The following TUBGCP4 variants were observed in gnomAD, a reference collection of about 807,000 sequenced individuals.
TUBGCP4 encodes the protein gamma-tubulin complex component 4.
TUBGCP4 carries 54 observed loss-of-function variants against 91.6 expected under a neutral mutation model. The observed-to-expected ratio is 0.59, with a 90% CI of 0.47 to 0.74. TUBGCP4 has a LOEUF of 0.74. Among genes scored for constraint, TUBGCP4 ranks in the 30% least tolerant of loss-of-function variants. The pLI is 0.00. For missense variants in TUBGCP4, 593 were observed against 800.9 expected, an observed-to-expected ratio of 0.74 and a Z score of 3.13; for synonymous variants, 297 against 302.8, an observed-to-expected ratio of 0.98 and a Z score of 0.20.
Position 43,407,992 on chromosome 15 carries a change from A to G in TUBGCP4, c.*2778A>G. ...GCTGCTTCACAGAGGCTGCACCACC[A>G]GTCATGAGGATCTCAGACCAGAGCT... On this transcript the variant is annotated 3_prime_UTR_variant, in exon 18 of 18. Coordinates refer to ENST00000564079, the MANE Select transcript of TUBGCP4 (RefSeq NM_014444.5). The G allele has an allele frequency of 6.2e-7, 1 of 1,614,082 alleles. No homozygotes were observed.
chr15:43,407,985 C>T lies in TUBGCP4; in HGVS notation c.*2771C>T. ...GAATGGTGCTGCTTCACAGAGGCTGCACCACCAGTCATGAGGATCTCAGAC... is the reference window on the plus strand; with the variant it reads ...GAATGGTGCTGCTTCACAGAGGCTGTACCACCAGTCATGAGGATCTCAGAC... On this transcript the variant is annotated 3_prime_UTR_variant, in exon 18 of 18. Transcript: ENST00000564079. The T allele has an allele frequency of 6.2e-7, 1 of 1,613,950 alleles. No individual in the cohort carries two copies. The highest frequency in any genetic ancestry group is 8.5e-7 in the Non-Finnish European group (1 of 1,180,012).
chr15:43,392,741 T>C (rs2584701), intron 9 of TUBGCP4, among the ~76,000 whole-genome samples: 70,011 of 151,910 alleles, frequency 0.46, 19,845 homozygotes, highest in African/African-American at 0.8. Context: ...TCAAGTGATC[T>C]GCCCGCTTCG....
At chr15:43,403,626 T>G (rs888980230) in intron 15 of TUBGCP4, 57 bp from the exon 16 acceptor site, 3 of 1,290,790 alleles carry the variant, frequency 2.3e-6, no homozygotes, top group Non-Finnish European at 3.3e-6. Flanking sequence ...CCTAACACTT[T>G]AACTTCATGG....
rs191920704 is a variant in TUBGCP4 at position 43,383,214 on chromosome 15, G to A, written c.522-89G>A. On this transcript the variant is annotated intron_variant, in intron 6 of 17. Transcript: ENST00000564079. ...ATTTTTAACTTAATTGGTTATTTCT[G>A]TTATGACTCATCAAATTCTCAGGCC... 4.5e-6 allele frequency: 5 copies of A among 1,113,810 alleles called. No individual in the cohort carries two copies. The East Asian group carries it at 1.2e-4, about 27-fold the overall frequency. The allele number at this position is 1,113,810 out of a possible 1,614,324, so 69.0% of individuals were successfully genotyped here.
intron 9 of TUBGCP4, among the ~76,000 whole-genome samples, chr15:43,390,946 G>C (rs776863185): frequency 2.6e-4 from 39 of 151,906 alleles, no homozygotes; most frequent in African/African-American, 9.4e-4. Context: ...CTCCCAAGTA[G>C]CTGGGACTAG....
chr15:43,385,631 A>C, intron 7 of TUBGCP4, 160 bp from the exon 8 acceptor site: 1 of 679,732 alleles, frequency 1.5e-6, no homozygotes, highest in Non-Finnish European at 2.5e-6. Flanking sequence ...AAGATGAAAT[A>C]CATCTCTCCA....
Position 43,409,726 on chromosome 15 carries a change from G to T in TUBGCP4, c.*4512G>T. 1 of 1,536,686 alleles carries T rather than the reference G, an allele frequency of 6.5e-7. No individual in the cohort carries two copies. The highest frequency in any genetic ancestry group is 8.8e-7 in the Non-Finnish European group (1 of 1,140,200). On this transcript the variant is annotated 3_prime_UTR_variant, in exon 18 of 18. Transcript: ENST00000564079. ...TTCTGTATACTGCTTGTTGAAAGGA[G>T]GAATTTCCAAAAATTCTATATTAAA... is the stretch of plus-strand genomic sequence containing the variant.
chr15:43,395,178 AT>A, intron 10 of TUBGCP4, 21 bp downstream of exon 10: 1 of 1,613,686 alleles, frequency 6.2e-7, no homozygotes, highest in Non-Finnish European at 8.5e-7. Flanking sequence ...AGCTGTTGTA[AT>A]TCTTACGGTG....
intron 7 of TUBGCP4, 129 bp from the exon 8 acceptor site, chr15:43,385,660 CTG>C (rs1177315450): frequency 7.8e-6 from 7 of 898,656 alleles, no homozygotes; most frequent in African/African-American, 5.0e-5. Context: ...GGTTTGAGAA[CTG>C]TGCAACACCA....
Position 43,393,817 on chromosome 15 carries a change from G to C in TUBGCP4, c.1015-1290G>C, listed in dbSNP as rs575406057. ...CTGCATAGTATTCCATGGTGTATAT[G>C]TGCCACATTTACGATTAACAAAATG... On this transcript the variant is annotated intron_variant, in intron 9 of 17. Transcript: ENST00000564079. 2.4e-4 allele frequency among the ~76,000 whole-genome samples: 37 copies of C among 152,232 alleles called. No homozygotes were observed. The East Asian group carries it at 3.5e-3, about 14-fold the overall frequency.
At chr15:43,393,965 C>T (rs971852445) in intron 9 of TUBGCP4, 3 of 151,986 alleles carry the variant, frequency 2.0e-5, no homozygotes, top group Non-Finnish European at 2.9e-5. Context: ...TTTTCATGTG[C>T]CTCTTTGCCT....
chr15:43,405,885 C>G lies in TUBGCP4; in HGVS notation c.*671C>G, dbSNP rs2142911547. ...TGAAACCTCGATTCTACTAAAAATACAAAAATTAGCCAGGTGTGGTGGCAT... is the reference window on the plus strand; with the variant it reads ...TGAAACCTCGATTCTACTAAAAATAGAAAAATTAGCCAGGTGTGGTGGCAT... On this transcript the variant is annotated 3_prime_UTR_variant, in exon 18 of 18. Transcript: ENST00000564079. 1 of 151,798 alleles carries G rather than the reference C, an allele frequency of 6.6e-6. No homozygotes were observed. Among genetic ancestry groups the G allele is most frequent in the South Asian group, 2.1e-4 (1 of 4,798 alleles). 9.4% of individuals were successfully genotyped at this position (151,798 alleles called of 1,614,324 possible).
rs2044981261 is a variant in TUBGCP4 at position 43,408,150 on chromosome 15, G to A, written c.*2936G>A. 1 of 1,523,990 alleles carries A rather than the reference G, an allele frequency of 6.6e-7. No homozygotes were observed. The highest frequency in any genetic ancestry group is 1.2e-5 in the South Asian group (1 of 84,392). 94.4% of individuals were successfully genotyped at this position (1,523,990 alleles called of 1,614,324 possible). On this transcript the variant is annotated 3_prime_UTR_variant, in exon 18 of 18. Transcript: ENST00000564079. ...GTAATATCCAACAAACTGCCTTTCT[G>A]CAAAGGGACTCATGTACATCTGAAT...
intron 13 of TUBGCP4, among the ~76,000 whole-genome samples, chr15:43,399,479 G>C (rs747933130): frequency 6.6e-6 from 1 of 152,002 alleles, no homozygotes; most frequent in Non-Finnish European, 1.5e-5. Context: ...CAAGCAGCTG[G>C]GACTATAGGT....
At chr15:43,377,817 A>C (rs763284351) in intron 4 of TUBGCP4, 30 bp from the exon 5 acceptor site, 2 of 1,547,314 alleles carry the variant, frequency 1.3e-6, no homozygotes, top group South Asian at 2.3e-5. Context: ...ATTTGATTAC[A>C]TACCCTTCTA....
chr15:43,389,722 C>T (rs551906437), intron 9 of TUBGCP4, among the ~76,000 whole-genome samples: 2 of 152,172 alleles, frequency 1.3e-5, no homozygotes, highest in African/African-American at 4.8e-5. Flanking sequence ...CTAATAAAGA[C>T]ATACCCAAGA....
Position 43,407,776 on chromosome 15 carries a change from C to T in TUBGCP4, c.*2562C>T, listed in dbSNP as rs550918980. The T allele has an allele frequency of 2.5e-6, 2 of 788,882 alleles. No homozygotes were observed. Among genetic ancestry groups the T allele is most frequent in the African/African-American group, 3.4e-5 (2 of 58,066 alleles). 48.9% of individuals were successfully genotyped at this position (788,882 alleles called of 1,614,324 possible). On this transcript the variant is annotated 3_prime_UTR_variant, in exon 18 of 18. Transcript: ENST00000564079. ...TAGAAATATTTAACAAATATACGTC[C>T]AGTGCTTCACTTATGTTGACTCACC...
At chr15:43,393,897 G>A (rs1417164096) in intron 9 of TUBGCP4, among the ~76,000 whole-genome samples, 1 of 151,948 alleles carries the variant, frequency 6.6e-6, no homozygotes, top group Non-Finnish European at 1.5e-5. Flanking sequence ...CAAAATGCTG[G>A]GATTCCCCAC....
At chr15:43,404,365 G>C in intron 16 of TUBGCP4, 48 bp from the exon 17 acceptor site, 1 of 1,610,440 alleles carries the variant, frequency 6.2e-7, no homozygotes, top group African/African-American at 1.3e-5. Flanking sequence ...TCCATATGGA[G>C]AGTTGGTGAG....
Sources: allele counts gnomAD v4.1 joint callset (sites outside exome capture counted in the v4.1 genomes callset), GRCh38; gene constraint gnomAD v4.1.1; transcripts MANE v1.5; gene names NCBI Gene and HGNC (gene_info 2026-07-23, HGNC 2026-07-21).